The following SPAG16 variants were observed in gnomAD, a reference collection of about 807,000 sequenced individuals.
SPAG16 encodes the protein sperm associated antigen 16, also known as sperm-associated antigen 16 protein.
Under a neutral mutation model 80.4 loss-of-function variants are expected in SPAG16, and 86 were observed. The observed-to-expected ratio is 1.07, with a 90% CI of 0.90 to 1.28. The LOEUF is 1.28. Among genes scored for constraint, SPAG16 ranks in the 50% most tolerant of loss-of-function variants. The pLI, the probability that SPAG16 is intolerant of heterozygous loss-of-function variation, is 0.00. For synonymous variants in SPAG16, 294 were observed against 265.9 expected, an observed-to-expected ratio of 1.11 and a Z score of -1.03; for missense variants, 870 against 765.3, an observed-to-expected ratio of 1.14 and a Z score of -1.61.
intron 15 of SPAG16, among the ~76,000 whole-genome samples, chr2:214,382,628 T>TTGAG (rs932360811): frequency 2.6e-5 from 4 of 152,212 alleles, no homozygotes; most frequent in Non-Finnish European, 4.4e-5. Flanking sequence ...AGCTCAGTTA[T>TTGAG]TGAGTATCCA....
intron 15 of SPAG16, among the ~76,000 whole-genome samples, chr2:214,250,788 A>AGT (rs1553537897): frequency 2.1e-5 from 3 of 144,278 alleles, no homozygotes; most frequent in Non-Finnish European, 3.0e-5. Context: ...AGAGAGAGAG[A>AGT]GTCAAACTTT....
At chr2:213,645,777 GC>G (rs542437167) in intron 10 of SPAG16, among the ~76,000 whole-genome samples, 235 of 152,138 alleles carry the variant, frequency 1.5e-3, no homozygotes, top group African/African-American at 5.4e-3. Context: ...TAGTCACGTG[GC>G]CCCCCCAGTC....
chr2:213,490,007 T>A lies in SPAG16; in HGVS notation c.987T>A (p.Asn329Lys). The A allele has an allele frequency of 6.2e-7, 1 of 1,610,394 alleles. No homozygotes were observed. Among genetic ancestry groups the A allele is most frequent in the Non-Finnish European group, 8.5e-7 (1 of 1,178,474 alleles). ...ATATGCAACCAAATCCAAACCTGAA[T>A]GTTTCTAAAGAAAGTCTTTCTCCAG... is the stretch of plus-strand genomic sequence containing the variant. ...PIDMQPNPNL[N>K]VSKESLSPAK... The change falls in exon 10 of 16, where the codon AAT (asparagine) becomes AAA (lysine). Residue 329 changes from asparagine (N) to lysine (K), a missense_variant. Asn to Lys is a moderately conservative substitution (Grantham distance 94). Transcript: ENST00000331683.
chr2:213,741,842 A>C (rs1206565116), intron 10 of SPAG16, among the ~76,000 whole-genome samples: 2 of 152,158 alleles, frequency 1.3e-5, no homozygotes, highest in African/African-American at 4.8e-5. Flanking sequence ...TTAAACCTGT[A>C]TCATTTTGAG....
At chr2:213,947,553 G>A (rs2079530595) in intron 12 of SPAG16, among the ~76,000 whole-genome samples, 1 of 151,970 alleles carries the variant, frequency 6.6e-6, no homozygotes, top group Non-Finnish European at 1.5e-5. Flanking sequence ...CTTAACTGTT[G>A]AGTTTCTGTT....
intron 5 of SPAG16, among the ~76,000 whole-genome samples, chr2:213,331,581 C>G (rs981845606): frequency 1.3e-5 from 2 of 152,154 alleles, no homozygotes; most frequent in Non-Finnish European, 2.9e-5. Context: ...CACCATAGAA[C>G]AAATGGACTT....
chr2:214,112,566 T>C (rs1446232765), intron 14 of SPAG16, among the ~76,000 whole-genome samples: 1 of 152,020 alleles, frequency 6.6e-6, no homozygotes, highest in Non-Finnish European at 1.5e-5. Context: ...CGTTATGTAA[T>C]GGCTTCTTTG....
At chr2:213,578,572 C>A (rs1411414163) in intron 10 of SPAG16, among the ~76,000 whole-genome samples, 2 of 152,002 alleles carry the variant, frequency 1.3e-5, no homozygotes, top group Non-Finnish European at 1.5e-5. Flanking sequence ...CAAATAAAAT[C>A]TAGGACTTAA....
intron 10 of SPAG16, among the ~76,000 whole-genome samples, chr2:213,647,772 C>T (rs1472766151): frequency 2.0e-5 from 3 of 152,182 alleles, no homozygotes; most frequent in South Asian, 2.1e-4. Flanking sequence ...AAACCATGGA[C>T]CCTATATCAC....
At chr2:213,825,604 T>G (rs916891060) in intron 10 of SPAG16, among the ~76,000 whole-genome samples, 1 of 152,046 alleles carries the variant, frequency 6.6e-6, no homozygotes, top group African/African-American at 2.4e-5. Flanking sequence ...ATCTTTGTAA[T>G]GTATTGTTGA....
intron 15 of SPAG16, among the ~76,000 whole-genome samples, chr2:214,274,106 T>C (rs561827043): frequency 3.3e-5 from 5 of 152,310 alleles, no homozygotes; most frequent in Admixed American, 1.3e-4. Flanking sequence ...TTGTCTGTTA[T>C]TGGTGTATAG....
At chr2:213,832,548 A>C (rs1334278079) in intron 10 of SPAG16, among the ~76,000 whole-genome samples, 2 of 151,826 alleles carry the variant, frequency 1.3e-5, no homozygotes, top group African/African-American at 4.8e-5. Flanking sequence ...TAGAAAGGTC[A>C]CTCTCTTCCT....
chr2:213,693,884 T>A (rs1459241689), intron 10 of SPAG16, among the ~76,000 whole-genome samples: 2 of 152,118 alleles, frequency 1.3e-5, no homozygotes, highest in South Asian at 4.1e-4. Flanking sequence ...AAGGAAGCAG[T>A]CACTACTTAG....
chr2:213,728,934 A>G (rs887054421), intron 10 of SPAG16, among the ~76,000 whole-genome samples: 34 of 139,788 alleles, frequency 2.4e-4, no homozygotes, highest in Non-Finnish European at 3.7e-4. Flanking sequence ...TGATGGAATG[A>G]TGGCAGCCTT....
At chr2:214,007,948 A>G (rs2047101663) in intron 12 of SPAG16, among the ~76,000 whole-genome samples, 2 of 151,842 alleles carry the variant, frequency 1.3e-5, no homozygotes, top group African/African-American at 2.4e-5. Context: ...CTGCAAAAAT[A>G]TTTCTACCTC....
chr2:214,276,923 T>C (rs1692509945), intron 15 of SPAG16, among the ~76,000 whole-genome samples: 1 of 152,122 alleles, frequency 6.6e-6, no homozygotes, highest in African/African-American at 2.4e-5. Flanking sequence ...CACTTTCAGA[T>C]ACACTAATCA....
intron 9 of SPAG16, among the ~76,000 whole-genome samples, chr2:213,397,612 AG>A (rs1448179130): frequency 2.6e-5 from 4 of 152,182 alleles, no homozygotes; most frequent in African/African-American, 9.7e-5. Context: ...AACTCTCTGA[AG>A]TTTCAGTTCC....
At chr2:213,285,570 A>C (rs1177440561) in intron 1 of SPAG16, among the ~76,000 whole-genome samples, 1 of 152,238 alleles carries the variant, frequency 6.6e-6, no homozygotes, top group Admixed American at 6.5e-5. Context: ...TCAAGATTTC[A>C]GAAATCCAGC....
At chr2:214,041,978 G>GTATATATATATATA (rs1158447338) in intron 13 of SPAG16, among the ~76,000 whole-genome samples, 59 of 116,344 alleles carry the variant, frequency 5.1e-4, no homozygotes, top group African/African-American at 3.9e-4. Context: ...GTCTGTGTGT[G>GTATATATATATATA]TATATATATA....
Sources: allele counts gnomAD v4.1 joint callset (sites outside exome capture counted in the v4.1 genomes callset), GRCh38; gene constraint gnomAD v4.1.1; transcripts MANE v1.5; gene names NCBI Gene and HGNC (gene_info 2026-07-23, HGNC 2026-07-21).